Variants in DOK6 observed in about 807,000 individuals in gnomAD.
DOK6 encodes the protein downstream of tyrosine kinase 6.
DOK6 carries 22 observed loss-of-function variants against 44.0 expected under a neutral mutation model. That is an observed-to-expected ratio of 0.50 (90% CI 0.36 to 0.71). The LOEUF (loss-of-function observed/expected upper bound fraction) is 0.71. DOK6 is among the 30% of genes least tolerant of loss of function. The pLI, the probability that DOK6 is intolerant of heterozygous loss-of-function variation, is 0.00. For synonymous variants in DOK6, 166 were observed against 145.5 expected (o/e 1.14, Z -1.01); for missense variants, 340 against 416.4 (o/e 0.82, Z 1.60).
intron 3 of DOK6, chr18:69,662,261 T>A (rs1436417852): frequency 6.6e-6 from 1 of 152,382 alleles, no homozygotes; most frequent in East Asian, 1.9e-4. Flanking sequence ...ATTACAGGCA[T>A]GAGCCACCAC....
intron 1 of DOK6, 34 bp from the exon 2 acceptor site, chr18:69,564,453 A>T (rs1982920729): frequency 1.8e-5 from 28 of 1,591,926 alleles, no homozygotes; most frequent in Non-Finnish European, 2.3e-5. Context: ...TCATGTAAAA[A>T]TATGGATAAT....
intron 1 of DOK6, among the ~76,000 whole-genome samples, chr18:69,552,101 C>T (rs1355146076): frequency 6.6e-6 from 1 of 152,116 alleles, no homozygotes; most frequent in Non-Finnish European, 1.5e-5. Flanking sequence ...TTTCCTGGAA[C>T]ATAGTGAGGA....
intron 3 of DOK6, among the ~76,000 whole-genome samples, chr18:69,624,934 T>C (rs536908379): frequency 1.5e-3 from 230 of 152,244 alleles, no homozygotes; most frequent in South Asian, 0.013. Context: ...TATTTTAAAG[T>C]TCCTGTACAT....
At chr18:69,527,008 G>A (rs1048247510) in intron 1 of DOK6, among the ~76,000 whole-genome samples, 6 of 152,098 alleles carry the variant, frequency 3.9e-5, no homozygotes, top group Admixed American at 2.0e-4. Context: ...AGAACAATGG[G>A]AAATCCACCT....
At chr18:69,783,288 C>G (rs578224763) in intron 7 of DOK6, among the ~76,000 whole-genome samples, 1 of 151,866 alleles carries the variant, frequency 6.6e-6, no homozygotes, top group Non-Finnish European at 1.5e-5. Flanking sequence ...ATGATTAGTC[C>G]GAATTGAGAT....
intron 1 of DOK6, among the ~76,000 whole-genome samples, chr18:69,477,472 G>A (rs1157348150): frequency 6.6e-6 from 1 of 152,098 alleles, no homozygotes; most frequent in Non-Finnish European, 1.5e-5. Context: ...AAAGCAAGAG[G>A]GAGTCTAGCT....
At chr18:69,485,379 CAGAT>C (rs1410721361) in intron 1 of DOK6, among the ~76,000 whole-genome samples, 1 of 152,076 alleles carries the variant, frequency 6.6e-6, no homozygotes, top group Non-Finnish European at 1.5e-5. Context: ...AGTCTCTTAA[CAGAT>C]AGGAGATTAA....
intron 6 of DOK6, among the ~76,000 whole-genome samples, chr18:69,750,381 C>T (rs1979136543): frequency 6.6e-6 from 1 of 152,042 alleles, no homozygotes; most frequent in Non-Finnish European, 1.5e-5. Flanking sequence ...TAAAATACCA[C>T]TTTCATGTAT....
intron 1 of DOK6, among the ~76,000 whole-genome samples, chr18:69,450,103 A>G (rs1463034153): frequency 2.3e-5 from 3 of 129,348 alleles, no homozygotes; most frequent in Non-Finnish European, 4.8e-5. Context: ...CGGACGATCA[A>G]ATTACTCTGA....
intron 7 of DOK6, among the ~76,000 whole-genome samples, chr18:69,775,488 C>T (rs377492303): frequency 3.3e-5 from 5 of 151,798 alleles, no homozygotes; most frequent in African/African-American, 9.7e-5. Context: ...TTATATTTTA[C>T]ATTTGATTTT....
chr18:69,674,796 C>T (rs1452121040), intron 3 of DOK6, among the ~76,000 whole-genome samples: 1 of 152,116 alleles, frequency 6.6e-6, no homozygotes, highest in Admixed American at 6.5e-5. Context: ...GCACCATATA[C>T]TAAACCCACC....
At chr18:69,466,715 C>A in intron 1 of DOK6, among the ~76,000 whole-genome samples, 1 of 148,802 alleles carries the variant, frequency 6.7e-6, no homozygotes, top group African/African-American at 2.5e-5. Context: ...GATCAGTTAA[C>A]AATGTGTGTG....
intron 3 of DOK6, among the ~76,000 whole-genome samples, chr18:69,672,715 G>GTGGGGGT (rs1985834207): frequency 7.7e-6 from 1 of 130,212 alleles, no homozygotes; most frequent in Non-Finnish European, 1.6e-5. Context: ...AAAGGGGGGG[G>GTGGGGGT]TGGGGGCGGT....
rs370115617 is a variant in DOK6 at position 69,619,142 on chromosome 18, A to T, written c.289+19644A>T. On this transcript the variant is annotated intron_variant, in intron 3 of 7. Transcript: ENST00000382713. ...GAGAAAGCAAGTAAAGCCAAAGAGG[A>T]GTAAGTTGGACCTGGGAGCCTGGGC... is the stretch of plus-strand genomic sequence containing the variant. 3.9e-5 allele frequency among the ~76,000 whole-genome samples: 6 copies of T among 152,198 alleles called. No homozygotes were observed. The East Asian group carries it at 9.6e-4, about 24-fold the overall frequency.
intron 5 of DOK6, among the ~76,000 whole-genome samples, chr18:69,701,027 A>G (rs1454530804): frequency 1.3e-5 from 2 of 152,256 alleles, no homozygotes; most frequent in East Asian, 1.9e-4. Flanking sequence ...AAATAATACA[A>G]TTGGATATGT....
At chr18:69,789,885 C>T (rs867847601) in intron 7 of DOK6, among the ~76,000 whole-genome samples, 10 of 152,126 alleles carry the variant, frequency 6.6e-5, no homozygotes, top group African/African-American at 1.9e-4. Flanking sequence ...CAACAGTAAG[C>T]ACATTAGGGG....
At chr18:69,630,432 T>C (rs570722362) in intron 3 of DOK6, among the ~76,000 whole-genome samples, 1 of 152,258 alleles carries the variant, frequency 6.6e-6, no homozygotes, top group Non-Finnish European at 1.5e-5. Context: ...TGTTAAAATG[T>C]GTTTCACTTT....
At chr18:69,412,362 ACT>A (rs1268690840) in intron 1 of DOK6, among the ~76,000 whole-genome samples, 1 of 152,126 alleles carries the variant, frequency 6.6e-6, no homozygotes, top group Non-Finnish European at 1.5e-5. Flanking sequence ...CCATGGTAGC[ACT>A]ATGGCTTGTG....
chr18:69,566,454 A>C (rs1460096733), intron 2 of DOK6, among the ~76,000 whole-genome samples: 1 of 152,168 alleles, frequency 6.6e-6, no homozygotes, highest in Non-Finnish European at 1.5e-5. Flanking sequence ...TTTTATTTAC[A>C]AATGAAACAG....
Sources: allele counts gnomAD v4.1 joint callset (sites outside exome capture counted in the v4.1 genomes callset), GRCh38; gene constraint gnomAD v4.1.1; transcripts MANE v1.5; gene names NCBI Gene and HGNC (gene_info 2026-07-23, HGNC 2026-07-21).